Variants in DEUP1 observed in about 807,000 individuals in gnomAD.
DEUP1 encodes coiled-coil domain containing 67.
Under a neutral mutation model 87.4 loss-of-function variants are expected in DEUP1, and 82 were observed. That is an observed-to-expected ratio of 0.94 (90% CI 0.78 to 1.13). DEUP1 has a LOEUF of 1.13. Ranked by LOEUF, DEUP1 falls within the 50% of genes most tolerant of loss-of-function variation. DEUP1 has a pLI of 0.00. For synonymous variants in DEUP1, 214 were observed against 222.7 expected (o/e 0.96, Z 0.35); for missense variants, 663 against 681.5 (o/e 0.97, Z 0.30).
intron 11 of DEUP1, among the ~76,000 whole-genome samples, chr11:93,399,270 G>A (rs1947041145): frequency 6.6e-6 from 1 of 150,750 alleles, no homozygotes; most frequent in Non-Finnish European, 1.5e-5. Flanking sequence ...CATTTATTTT[G>A]CGTGGGATAT....
chr11:93,331,009 G>A (rs1943445257), intron 1 of DEUP1, among the ~76,000 whole-genome samples: 1 of 152,242 alleles, frequency 6.6e-6, no homozygotes, highest in Non-Finnish European at 1.5e-5. Context: ...GAAGGACTGG[G>A]CTTCAGTTGT....
At chr11:93,353,451 G>A (rs905837589) in intron 2 of DEUP1, among the ~76,000 whole-genome samples, 3 of 152,190 alleles carry the variant, frequency 2.0e-5, no homozygotes, top group Non-Finnish European at 2.9e-5. Flanking sequence ...CCGTTCTGGG[G>A]TCTGGAGGAC....
intron 9 of DEUP1, among the ~76,000 whole-genome samples, chr11:93,393,278 T>C (rs971031017): frequency 4.0e-5 from 6 of 151,856 alleles, no homozygotes; most frequent in African/African-American, 9.7e-5. Flanking sequence ...TTACTTTTCA[T>C]AGAGCATCTA....
At chr11:93,413,870 A>T (rs996651216) in intron 12 of DEUP1, among the ~76,000 whole-genome samples, 15 of 152,214 alleles carry the variant, frequency 9.9e-5, no homozygotes, top group African/African-American at 3.6e-4. Context: ...ATTCTGATTT[A>T]AAAAGTAAAT....
chr11:93,354,202 A>C (rs1199613762), intron 2 of DEUP1, among the ~76,000 whole-genome samples: 1 of 152,210 alleles, frequency 6.6e-6, no homozygotes, highest in Non-Finnish European at 1.5e-5. Context: ...TCTCTAGGTC[A>C]GAGGAAAAAT....
intron 9 of DEUP1, among the ~76,000 whole-genome samples, chr11:93,393,029 C>T (rs1379511736): frequency 1.3e-5 from 2 of 149,870 alleles, no homozygotes; most frequent in Non-Finnish European, 3.0e-5. Context: ...CTGAGCCCTC[C>T]TCCTCCTCCT....
In DEUP1 at chr11:93,361,374, G is replaced by A. The variant is rs569732913; in HGVS notation, c.298-2786G>A. On this transcript the variant is annotated intron_variant, in intron 4 of 13. Coordinates refer to ENST00000298050, the MANE Select transcript of DEUP1 (RefSeq NM_181645.4). ...CCAAAAAGAGTAAAAAACATGGGGG[G>A]AAATGCAATAGACTTTCCTTATCCT... Among the ~76,000 whole-genome samples the A allele has an allele frequency of 7.9e-5, 12 of 152,146 alleles. No individual in the cohort carries two copies. In the East Asian group the frequency reaches 2.3e-3, roughly 29 times the overall value.
intron 4 of DEUP1, among the ~76,000 whole-genome samples, chr11:93,363,197 G>A (rs893048573): frequency 2.6e-5 from 4 of 151,800 alleles, no homozygotes; most frequent in Non-Finnish European, 4.4e-5. Context: ...CAAATTAGTG[G>A]TTTTCAGGGA....
chr11:93,414,582 G>A (rs527701109), intron 12 of DEUP1, among the ~76,000 whole-genome samples: 140 of 152,094 alleles, frequency 9.2e-4, no homozygotes, highest in Non-Finnish European at 1.5e-3. Flanking sequence ...TGTTAAGAAA[G>A]CCAGTGAGGT....
intron 11 of DEUP1, among the ~76,000 whole-genome samples, chr11:93,398,456 T>C (rs1226918894): frequency 6.6e-6 from 1 of 152,184 alleles, no homozygotes; most frequent in Non-Finnish European, 1.5e-5. Context: ...GTTTTAATTT[T>C]AATAGCTATT....
rs72050582 is a variant in DEUP1, at chr11:93,371,931, C to CTT, written c.789+665_789+666dup. On this transcript the variant is annotated intron_variant, in intron 7 of 13. Coordinates refer to ENST00000298050, the MANE Select transcript of DEUP1 (RefSeq NM_181645.4). ...CAATTTCTTTACAAAATATGTATTT[C>CTT]TTTTTTTTTTTTTTTGAGACGGAGT... Among the ~76,000 whole-genome samples the CTT allele has an allele frequency of 1.0e-4, 14 of 139,640 alleles. No homozygotes were observed. In the East Asian group the frequency reaches 1.1e-3, roughly 11 times the overall value. The allele number at this position is 139,640 out of a possible 152,430, so 91.6% of individuals were successfully genotyped here.
In DEUP1 at chr11:93,408,142, C is replaced by T. The variant is rs1486003749; in HGVS notation, c.1327-89C>T. On this transcript the variant is annotated intron_variant, in intron 11 of 13. Coordinates refer to ENST00000298050, the MANE Select transcript of DEUP1 (RefSeq NM_181645.4). The stretch of plus-strand genomic sequence containing the variant: ...ACATCACTTGGCTCAAATGAAAGGG[C>T]CTTTCCAGCACAAGTCTCCAAACAC... 6 of 940,250 alleles carry T rather than the reference C, an allele frequency of 6.4e-6. No homozygotes were observed. The African/African-American group carries it at 6.9e-5, about 11-fold the overall frequency. 58.2% of individuals were successfully genotyped at this position (940,250 alleles called of 1,614,324 possible).
At chr11:93,392,916 T>A (rs925623547) in intron 9 of DEUP1, among the ~76,000 whole-genome samples, 5 of 144,308 alleles carry the variant, frequency 3.5e-5, no homozygotes, top group Non-Finnish European at 6.1e-5. Flanking sequence ...GGATCCCTCC[T>A]CCTTCTCCTC....
At chr11:93,368,672 C>G (rs1046222390) in intron 5 of DEUP1, among the ~76,000 whole-genome samples, 2 of 152,216 alleles carry the variant, frequency 1.3e-5, no homozygotes, top group African/African-American at 4.8e-5. Flanking sequence ...CGCAGTGGCT[C>G]ACGCCTGTAA....
At chr11:93,379,324 A>T (rs1372440159) in intron 7 of DEUP1, among the ~76,000 whole-genome samples, 3 of 152,140 alleles carry the variant, frequency 2.0e-5, no homozygotes, top group Non-Finnish European at 4.4e-5. Context: ...GCTTTCCTTG[A>T]TCAACTCCAC....
At position 93,357,057 on chromosome 11, in the gene DEUP1, T is replaced by C. The variant is rs780651784; in HGVS notation, c.297+14T>C. Reference sequence around the variant, plus strand: ...CTAAAGGCTCAAGTAAGAAAACTTATTATAATTTAATATCACACATTTTGA... The same window carrying C: ...CTAAAGGCTCAAGTAAGAAAACTTACTATAATTTAATATCACACATTTTGA... On this transcript the variant is annotated intron_variant, in intron 4 of 13. Transcript: ENST00000298050. 23 of 1,438,956 alleles carry C rather than the reference T, an allele frequency of 1.6e-5. No individual in the cohort carries two copies. The highest frequency in any genetic ancestry group is 1.5e-5 in the Non-Finnish European group (16 of 1,060,714). The allele number at this position is 1,438,956 out of a possible 1,614,324, so 89.1% of individuals were successfully genotyped here.
chr11:93,432,809 C>A (rs1358847710), intron 13 of DEUP1, among the ~76,000 whole-genome samples: 3 of 152,064 alleles, frequency 2.0e-5, no homozygotes, highest in African/African-American at 7.2e-5. Flanking sequence ...CGTGGGAGTA[C>A]TAGATTAAGC....
rs1295034222 is a variant in DEUP1 at position 93,401,804 on chromosome 11, G to A, written c.1326+5479G>A. Among the ~76,000 whole-genome samples the A allele has an allele frequency of 3.3e-5, 5 of 151,988 alleles. No homozygotes were observed. In the South Asian group the frequency reaches 6.2e-4, roughly 19 times the overall value. ...TGGTGCTGGGAAAACTGGTAATTAC[G>A]TGTAGAAGAATAAAACTAGACTCCT... On this transcript the variant is annotated intron_variant, in intron 11 of 13. Transcript: ENST00000298050.
chr11:93,401,854 T>TA, intron 11 of DEUP1, among the ~76,000 whole-genome samples: 1 of 151,946 alleles, frequency 6.6e-6, no homozygotes, highest in Non-Finnish European at 1.5e-5. Flanking sequence ...AAAAATCAAA[T>TA]AAAAATTGAT....
Sources: allele counts gnomAD v4.1 joint callset (sites outside exome capture counted in the v4.1 genomes callset), GRCh38; gene constraint gnomAD v4.1.1; transcripts MANE v1.5; gene names NCBI Gene and HGNC (gene_info 2026-07-23, HGNC 2026-07-21).